Variants in PTPRD observed in about 807,000 individuals in gnomAD.
PTPRD encodes protein tyrosine phosphatase receptor type D.
Under a neutral mutation model 214.5 loss-of-function variants are expected in PTPRD, and 34 were observed. That is an observed-to-expected ratio of 0.16 (90% CI 0.12 to 0.21). The LOEUF is 0.21. Among genes scored for constraint, PTPRD ranks in the 10% least tolerant of loss-of-function variants. The pLI is 1.00. For synonymous variants in PTPRD, 1,128 were observed against 845.7 expected, an observed-to-expected ratio of 1.33 and a Z score of -5.79; for missense variants, 2,545 against 2,398.7, an observed-to-expected ratio of 1.06 and a Z score of -1.27.
intron 10 of PTPRD, among the ~76,000 whole-genome samples, chr9:9,171,538 C>T (rs770107518): frequency 2.0e-5 from 3 of 151,568 alleles, no homozygotes; most frequent in Non-Finnish European, 2.9e-5. Context: ...AATATATAGA[C>T]GATTGTCATA....
At chr9:9,369,304 A>C (rs952536270) in intron 9 of PTPRD, among the ~76,000 whole-genome samples, 13 of 152,018 alleles carry the variant, frequency 8.6e-5, no homozygotes, top group African/African-American at 1.2e-4. Flanking sequence ...CACCATTCTA[A>C]CTGGTGTGAG....
chr9:8,418,778 T>C (rs940211620), intron 35 of PTPRD, among the ~76,000 whole-genome samples: 2 of 152,054 alleles, frequency 1.3e-5, no homozygotes, highest in African/African-American at 4.8e-5. Context: ...TTATACTGAT[T>C]ATCAAAATTA....
intron 12 of PTPRD, among the ~76,000 whole-genome samples, chr9:8,722,088 T>A (rs1345198766): frequency 6.6e-6 from 1 of 151,702 alleles, no homozygotes; most frequent in Non-Finnish European, 1.5e-5. Flanking sequence ...TCAAAAATGT[T>A]AAATAGCTGA....
intron 8 of PTPRD, among the ~76,000 whole-genome samples, chr9:9,414,205 G>A (rs1270706630): frequency 6.6e-6 from 1 of 152,174 alleles, no homozygotes; most frequent in East Asian, 1.9e-4. Context: ...TTCCCTTAAA[G>A]TTTTGAATTC....
chr9:8,330,857 A>ATAAAAAGATTAGATGT (rs1839833704), intron 44 of PTPRD, among the ~76,000 whole-genome samples: 1 of 149,690 alleles, frequency 6.7e-6, no homozygotes, highest in Non-Finnish European at 1.5e-5. Flanking sequence ...GAGTTTCACC[A>ATAAAAAGATTAGATGT]TAAAAAGATT....
At chr9:10,027,339 A>G (rs2096943596) in intron 4 of PTPRD, among the ~76,000 whole-genome samples, 1 of 152,162 alleles carries the variant, frequency 6.6e-6, no homozygotes, top group African/African-American at 2.4e-5. Context: ...GCTGGGGGGA[A>G]AAGAGGTAGA....
chr9:9,461,892 A>G (rs1374014021), intron 8 of PTPRD, among the ~76,000 whole-genome samples: 1 of 152,118 alleles, frequency 6.6e-6, no homozygotes, highest in East Asian at 1.9e-4. Flanking sequence ...CTCAATTTAA[A>G]TACTATCTCC....
At chr9:10,213,489 A>C (rs1021818884) in intron 3 of PTPRD, among the ~76,000 whole-genome samples, 2 of 152,136 alleles carry the variant, frequency 1.3e-5, no homozygotes, top group Non-Finnish European at 2.9e-5. Context: ...AAGAGATGGA[A>C]TAACCAAGAA....
intron 8 of PTPRD, among the ~76,000 whole-genome samples, chr9:9,404,835 C>T (rs1017811014): frequency 6.6e-6 from 1 of 151,996 alleles, no homozygotes; most frequent in Non-Finnish European, 1.5e-5. Flanking sequence ...AGAGTGGGAA[C>T]TGAAGACATG....
chr9:8,862,233 G>C (rs112342046), intron 11 of PTPRD: 6,486 of 152,288 alleles, frequency 0.043, 345 homozygotes, highest in African/African-American at 0.12. Context: ...GCACGTGTCT[G>C]TAATCCCAGC....
intron 14 of PTPRD, among the ~76,000 whole-genome samples, chr9:8,546,621 C>T (rs1455691236): frequency 6.6e-6 from 1 of 151,956 alleles, no homozygotes; most frequent in African/African-American, 2.4e-5. Flanking sequence ...GCCTTGGTCT[C>T]CCCAGTAGAT....
At chr9:8,672,769 T>G (rs1449851858) in intron 12 of PTPRD, among the ~76,000 whole-genome samples, 3 of 141,708 alleles carry the variant, frequency 2.1e-5, no homozygotes, top group Non-Finnish European at 4.5e-5. Flanking sequence ...GTTAAGGACC[T>G]AAATATAATG....
intron 10 of PTPRD, among the ~76,000 whole-genome samples, chr9:9,127,864 A>C (rs1171370472): frequency 2.0e-5 from 3 of 152,090 alleles, no homozygotes; most frequent in African/African-American, 7.2e-5. Flanking sequence ...AAAAGGAAGC[A>C]CCCTGTTTGA....
intron 3 of PTPRD, among the ~76,000 whole-genome samples, chr9:10,266,817 C>T (rs1301452203): frequency 6.6e-6 from 1 of 151,908 alleles, no homozygotes; most frequent in Non-Finnish European, 1.5e-5. Flanking sequence ...CGTGTAAAGC[C>T]CATTAAGAAC....
chr9:9,344,949 T>C (rs1395661535), intron 9 of PTPRD, among the ~76,000 whole-genome samples: 1 of 152,116 alleles, frequency 6.6e-6, no homozygotes, highest in Non-Finnish European at 1.5e-5. Context: ...AAAATGTTAC[T>C]TTGTTACTAA....
chr9:9,663,601 G>A (rs1231761292), intron 7 of PTPRD, among the ~76,000 whole-genome samples: 3 of 151,382 alleles, frequency 2.0e-5, no homozygotes, highest in African/African-American at 7.3e-5. Flanking sequence ...CTAACTTGTT[G>A]CTCAATTTAA....
At chr9:10,525,999 G>C (rs1394327149) in intron 2 of PTPRD, among the ~76,000 whole-genome samples, 1 of 152,106 alleles carries the variant, frequency 6.6e-6, no homozygotes, top group East Asian at 1.9e-4. Context: ...TAAAAATTCA[G>C]CTTATCAGCC....
At chr9:9,072,762 T>C (rs1390283987) in intron 10 of PTPRD, among the ~76,000 whole-genome samples, 1 of 152,206 alleles carries the variant, frequency 6.6e-6, no homozygotes, top group African/African-American at 2.4e-5. Flanking sequence ...TCTTAAGTTA[T>C]TTAGCCCACA....
At chr9:9,197,215 C>T (rs187977219) in intron 9 of PTPRD, among the ~76,000 whole-genome samples, 1 of 152,230 alleles carries the variant, frequency 6.6e-6, no homozygotes, top group Admixed American at 6.5e-5. Flanking sequence ...CTTACACTTT[C>T]CCCCAAAGCA....
Sources: gnomAD v4.1 joint callset for allele counts (sites outside exome capture counted in the v4.1 genomes callset) on GRCh38, gnomAD v4.1.1 for gene constraint, MANE v1.5 for transcripts, NCBI Gene and HGNC (gene_info 2026-07-23, HGNC 2026-07-21) for gene names.